The following AMPH variants were observed in gnomAD, a reference collection of about 807,000 sequenced individuals.
The protein encoded by AMPH is amphiphysin (Stiff-Mann syndrome with breast cancer 128kD autoantigen).
AMPH carries 49 observed loss-of-function variants against 99.1 expected under a neutral mutation model. That is an observed-to-expected ratio of 0.49 (90% CI 0.39 to 0.63). The LOEUF (loss-of-function observed/expected upper bound fraction) is 0.63, where lower values mean the gene tolerates loss of function less well. AMPH is among the 20% of genes least tolerant of loss of function. AMPH has a pLI of 0.00. For missense variants in AMPH, 759 were observed against 863.4 expected (o/e 0.88, Z 1.52); for synonymous variants, 314 against 317.3 (o/e 0.99, Z 0.11).
intron 2 of AMPH, among the ~76,000 whole-genome samples, chr7:38,526,023 A>G: frequency 6.6e-6 from 1 of 152,180 alleles, no homozygotes. Flanking sequence ...GAAATAGCCA[A>G]ACTGTTTCCC....
rs141754851 is a variant in AMPH, at chr7:38,582,743, T to G, written c.70-47732A>C. Among the ~76,000 whole-genome samples the G allele has an allele frequency of 2.2e-3, 338 of 152,280 alleles. 1 individual carries two copies. In the East Asian group the frequency reaches 0.029, roughly 13 times the overall value. On this transcript the variant is annotated intron_variant, in intron 1 of 20. Transcript: ENST00000356264. ...ACAGACAGACATGCATGCATATACT[T>G]ATAGCAAAGCTTTAGCCTCAGAAGT...
intron 14 of AMPH, chr7:38,427,725 A>T (rs189581393): frequency 2.8e-6 from 1 of 354,770 alleles, no homozygotes; most frequent in East Asian, 7.4e-5. Context: ...TCTGTTAGAG[A>T]GATCAGGCCT....
chr7:38,498,598 C>G (rs1789015483), intron 3 of AMPH, among the ~76,000 whole-genome samples: 1 of 152,172 alleles, frequency 6.6e-6, no homozygotes, highest in South Asian at 2.1e-4. Context: ...CAGTGCCTAG[C>G]ATATAAGTGC....
chr7:38,625,911 T>C (rs1364811242), intron 1 of AMPH, among the ~76,000 whole-genome samples: 3 of 152,172 alleles, frequency 2.0e-5, no homozygotes, highest in African/African-American at 4.8e-5. Flanking sequence ...CTTTATTCAA[T>C]AAAAATTGGA....
At chr7:38,614,990 G>T (rs1444064712) in intron 1 of AMPH, among the ~76,000 whole-genome samples, 1 of 152,070 alleles carries the variant, frequency 6.6e-6, no homozygotes, top group Admixed American at 6.6e-5. Flanking sequence ...AAATGTAAAG[G>T]CATAAAACCT....
intron 11 of AMPH, among the ~76,000 whole-genome samples, chr7:38,453,381 C>T (rs1291486942): frequency 1.3e-5 from 2 of 152,180 alleles, no homozygotes; most frequent in East Asian, 3.9e-4. Context: ...CCTAGGCAAG[C>T]AGACCCGGGA....
At position 38,587,952 on chromosome 7, in the gene AMPH, G is replaced by GTGTGTA. The variant is rs1792721460; in HGVS notation, c.69+43330_69+43331insTACACA. 2.0e-5 allele frequency among the ~76,000 whole-genome samples: 3 copies of GTGTGTA among 149,688 alleles called. No individual in the cohort carries two copies. The South Asian group carries it at 6.4e-4, about 32-fold the overall frequency. On this transcript the variant is annotated intron_variant, in intron 1 of 20. Transcript: ENST00000356264. ...TGTGTGTGTGTGTGTGTGTGTGTGC[G>GTGTGTA]CGTGTGTGTGTGAGAGAGAGATAGG...
At chr7:38,555,244 C>T (rs1294372538) in intron 1 of AMPH, among the ~76,000 whole-genome samples, 4 of 96,586 alleles carry the variant, frequency 4.1e-5, no homozygotes, top group African/African-American at 9.5e-5. Flanking sequence ...GTCTCTAACA[C>T]AATTTAAAAA....
At chr7:38,589,223 A>C (rs997688302) in intron 1 of AMPH, among the ~76,000 whole-genome samples, 4 of 152,234 alleles carry the variant, frequency 2.6e-5, no homozygotes, top group African/African-American at 9.6e-5. Flanking sequence ...AACACTTCAT[A>C]AAGAACAAGC....
intron 14 of AMPH, chr7:38,427,996 C>T (rs983704394): frequency 1.3e-5 from 6 of 456,638 alleles, no homozygotes; most frequent in Admixed American, 1.2e-4. Context: ...AATGGTCTTG[C>T]TATCTCCTGG....
chr7:38,412,411 C>T (rs1414645863), intron 17 of AMPH, among the ~76,000 whole-genome samples: 2 of 152,174 alleles, frequency 1.3e-5, no homozygotes, highest in Non-Finnish European at 2.9e-5. Context: ...AAAAGTCTCA[C>T]TTGGCCCTGT....
intron 11 of AMPH, among the ~76,000 whole-genome samples, chr7:38,445,989 C>T (rs1240215663): frequency 6.6e-6 from 1 of 152,200 alleles, no homozygotes; most frequent in African/African-American, 2.4e-5. Context: ...CCTGCTCTTG[C>T]TTTGCCTTTG....
intron 10 of AMPH, among the ~76,000 whole-genome samples, chr7:38,462,024 ACT>A (rs1787468933): frequency 6.6e-6 from 1 of 152,078 alleles, no homozygotes; most frequent in South Asian, 2.1e-4. Flanking sequence ...GTGTGAAAAC[ACT>A]CTCTCATGAG....
chr7:38,601,244 G>C (rs2129061505), intron 1 of AMPH, among the ~76,000 whole-genome samples: 1 of 152,244 alleles, frequency 6.6e-6, no homozygotes, highest in Middle Eastern at 3.4e-3. Flanking sequence ...CTTCGCTACT[G>C]CAACAGTTGT....
intron 7 of AMPH, among the ~76,000 whole-genome samples, chr7:38,469,380 A>G (rs985072543): frequency 2.0e-5 from 3 of 152,150 alleles, no homozygotes; most frequent in Admixed American, 6.6e-5. Flanking sequence ...TCAGAAATAA[A>G]GGAAAAATTA....
At chr7:38,599,142 A>T (rs1793160737) in intron 1 of AMPH, among the ~76,000 whole-genome samples, 1 of 152,172 alleles carries the variant, frequency 6.6e-6, no homozygotes, top group Non-Finnish European at 1.5e-5. Flanking sequence ...TTATTTTCTA[A>T]TTCTTTGAGT....
chr7:38,474,730 T>A (rs1044491410), intron 7 of AMPH, among the ~76,000 whole-genome samples: 3 of 152,210 alleles, frequency 2.0e-5, no homozygotes, highest in African/African-American at 7.2e-5. Flanking sequence ...AACTTCTTTG[T>A]TCTACCACTG....
chr7:38,406,161 AAC>A (rs1406879699), intron 17 of AMPH, among the ~76,000 whole-genome samples: 2 of 152,164 alleles, frequency 1.3e-5, no homozygotes, highest in African/African-American at 4.8e-5. Flanking sequence ...AAAAAATAGA[AAC>A]AAATGAAAAT....
intron 1 of AMPH, among the ~76,000 whole-genome samples, chr7:38,575,261 T>A (rs1792196128): frequency 6.6e-6 from 1 of 152,268 alleles, no homozygotes; most frequent in Non-Finnish European, 1.5e-5. Context: ...TTAATTTTTT[T>A]AACCTAGATA....
Sources: gnomAD v4.1 joint callset for allele counts (sites outside exome capture counted in the v4.1 genomes callset) on GRCh38, gnomAD v4.1.1 for gene constraint, MANE v1.5 for transcripts, NCBI Gene and HGNC (gene_info 2026-07-23, HGNC 2026-07-21) for gene names.